Variants in PARD3B observed in about 807,000 individuals in gnomAD.
PARD3B encodes the protein par-3 family cell polarity regulator beta.
In PARD3B, 103 loss-of-function variants were observed where a neutral mutation model predicts 130.2. That is an observed-to-expected ratio of 0.79 (90% CI 0.67 to 0.93). The LOEUF is 0.93. Among genes scored for constraint, PARD3B ranks in the 40% least tolerant of loss-of-function variants. PARD3B has a pLI of 0.00. For missense variants in PARD3B, 1,609 were observed against 1,499.2 expected, an observed-to-expected ratio of 1.07 and a Z score of -1.21; for synonymous variants, 583 against 553.2, an observed-to-expected ratio of 1.05 and a Z score of -0.76.
chr2:204,866,211 G>C (rs2045407798), intron 2 of PARD3B, among the ~76,000 whole-genome samples: 1 of 152,196 alleles, frequency 6.6e-6, no homozygotes, highest in Non-Finnish European at 1.5e-5. Context: ...TGGCATGGTA[G>C]AATGCTAACA....
Position 205,187,180 on chromosome 2 carries a change from C to T in PARD3B, c.2024+1317C>T, listed in dbSNP as rs2036150297. Reference sequence around the variant, plus strand: ...TACTATGGTAAAAGTGTCATTTGAGCTGAACCCTAACTCATGAATAGCAGG... The same window carrying T: ...TACTATGGTAAAAGTGTCATTTGAGTTGAACCCTAACTCATGAATAGCAGG... On this transcript the variant is annotated intron_variant, in intron 14 of 22. Coordinates refer to ENST00000406610, the MANE Select transcript of PARD3B (RefSeq NM_001302769.2). This position sits in a 1 kb window ranked among gnomAD's most constrained non-coding sequence, Gnocchi z 4.9. Among the ~76,000 whole-genome samples, 2 of 152,150 alleles carry T rather than the reference C, an allele frequency of 1.3e-5. No homozygotes were observed. The highest frequency in any genetic ancestry group is 1.3e-4 in the Admixed American group (2 of 15,278).
intron 2 of PARD3B, among the ~76,000 whole-genome samples, chr2:204,790,886 C>T (rs2042177441): frequency 6.6e-6 from 1 of 152,130 alleles, no homozygotes; most frequent in African/African-American, 2.4e-5. Flanking sequence ...AGGCAGATCA[C>T]CTGAAGTCAG....
chr2:205,240,737 G>A (rs2039315895), intron 15 of PARD3B, among the ~76,000 whole-genome samples: 2 of 152,198 alleles, frequency 1.3e-5, no homozygotes, highest in South Asian at 2.1e-4. Flanking sequence ...TATTAAGCAA[G>A]TGTAGTCCCT....
At chr2:204,671,940 C>T (rs186673398) in intron 1 of PARD3B, among the ~76,000 whole-genome samples, 2 of 152,180 alleles carry the variant, frequency 1.3e-5, no homozygotes, top group African/African-American at 2.4e-5. Flanking sequence ...AAAACTTTTC[C>T]TCAACATTTT....
chr2:205,558,011 TG>T lies in PARD3B; in HGVS notation c.3260+4609del, dbSNP rs746110490. ...ATGGGGATATGCTGGGGGAACTCAC[TG>T]AAGCTGAAGGATTCGCCGACTCAGG... On this transcript the variant is annotated intron_variant, in intron 22 of 22. Transcript: ENST00000406610. This position sits in a 1 kb window ranked among gnomAD's most constrained non-coding sequence, Gnocchi z 4.8. Among the ~76,000 whole-genome samples the T allele has an allele frequency of 3.3e-5, 5 of 152,156 alleles. No individual in the cohort carries two copies. Among genetic ancestry groups the T allele is most frequent in the Non-Finnish European group, 5.9e-5 (4 of 68,038 alleles).
In PARD3B at chr2:205,581,364, CGTGT is replaced by C. The variant is rs556028512; in HGVS notation, c.3260+27964_3260+27967del. Among the ~76,000 whole-genome samples, 48 of 141,340 alleles carry C rather than the reference CGTGT, an allele frequency of 3.4e-4. 1 individual carries two copies. The East Asian group carries it at 8.4e-3, about 25-fold the overall frequency. The allele number at this position is 141,340 out of a possible 152,430, so 92.7% of individuals were successfully genotyped here. A position where few individuals can be genotyped will look rare whatever the true frequency, so the allele number is the denominator to read the frequency against. ...ACGTGTGTGTGTGTACGTGTGTGTA[CGTGT>C]GTATGTATGTATATATAAATATATA... On this transcript the variant is annotated intron_variant, in intron 22 of 22. Transcript: ENST00000406610.
At chr2:205,361,823 C>G (rs548501256) in intron 18 of PARD3B, among the ~76,000 whole-genome samples, 9 of 137,424 alleles carry the variant, frequency 6.5e-5, no homozygotes, top group African/African-American at 2.2e-4. Flanking sequence ...CTCTGGCCAA[C>G]AAGCTCCTCC....
At chr2:204,877,765 T>G (rs1343669443) in intron 2 of PARD3B, among the ~76,000 whole-genome samples, 2 of 152,202 alleles carry the variant, frequency 1.3e-5, no homozygotes, top group Non-Finnish European at 1.5e-5. Context: ...TCAGTAAGTT[T>G]GCAGACAGGA....
At chr2:205,304,571 G>T (rs1299348358) in intron 18 of PARD3B, among the ~76,000 whole-genome samples, 4 of 150,134 alleles carry the variant, frequency 2.7e-5, no homozygotes, top group African/African-American at 9.8e-5. Context: ...GGAGGCAGAG[G>T]TTGTGGTGAG....
intron 2 of PARD3B, among the ~76,000 whole-genome samples, chr2:204,760,351 T>G (rs900695991): frequency 3.3e-5 from 5 of 152,062 alleles, no homozygotes; most frequent in African/African-American, 1.2e-4. Flanking sequence ...GATTTTCTCT[T>G]GTATACAAAC....
chr2:205,408,575 T>A (rs2046488709), intron 19 of PARD3B, among the ~76,000 whole-genome samples: 1 of 152,166 alleles, frequency 6.6e-6, no homozygotes, highest in Non-Finnish European at 1.5e-5. Flanking sequence ...CTCCTAAATA[T>A]ATACAGCAAC....
At chr2:205,414,392 T>C (rs772196620) in intron 19 of PARD3B, among the ~76,000 whole-genome samples, 2 of 152,170 alleles carry the variant, frequency 1.3e-5, no homozygotes, top group South Asian at 4.1e-4. Flanking sequence ...CTTAAAAGTA[T>C]AAAACAGCAT....
rs561647787 is a variant in PARD3B, at chr2:205,086,347, G to C, written c.505-18079G>C. On this transcript the variant is annotated intron_variant, in intron 4 of 22. Coordinates refer to ENST00000406610, the MANE Select transcript of PARD3B (RefSeq NM_001302769.2). ...TTTATATGACAGGAGCATTCTAAAT[G>C]GGATCTCATGTGGCCTCTTTATTTT... 2.6e-5 allele frequency among the ~76,000 whole-genome samples: 4 copies of C among 152,274 alleles called. No individual in the cohort carries two copies. The South Asian group carries it at 8.3e-4, about 32-fold the overall frequency.
intron 1 of PARD3B, among the ~76,000 whole-genome samples, chr2:204,634,091 AT>A (rs886590904): frequency 3.9e-5 from 6 of 151,930 alleles, no homozygotes; most frequent in African/African-American, 1.2e-4. Context: ...CTTTCTAACT[AT>A]TTTTTTGTAC....
intron 20 of PARD3B, among the ~76,000 whole-genome samples, chr2:205,444,132 G>A (rs2047822839): frequency 6.6e-6 from 1 of 152,142 alleles, no homozygotes; most frequent in African/African-American, 2.4e-5. Flanking sequence ...ACCGGCACAA[G>A]CCACCAACCC....
chr2:205,248,082 C>A (rs1348100422), intron 16 of PARD3B, among the ~76,000 whole-genome samples: 1 of 152,030 alleles, frequency 6.6e-6, no homozygotes, highest in Non-Finnish European at 1.5e-5. Flanking sequence ...GTGCATGCCA[C>A]CATGCCCAGC....
intron 2 of PARD3B, among the ~76,000 whole-genome samples, chr2:204,696,948 A>G (rs2037638320): frequency 6.6e-6 from 1 of 152,126 alleles, no homozygotes; most frequent in Non-Finnish European, 1.5e-5. Context: ...TGTCTTCATT[A>G]ATCTCAACCA....
chr2:205,317,096 ACTAAACCC>A (rs1299623392), intron 18 of PARD3B, among the ~76,000 whole-genome samples: 1 of 152,134 alleles, frequency 6.6e-6, no homozygotes, highest in East Asian at 1.9e-4. Context: ...CATAAAATTG[ACTAAACCC>A]CTTTAGATAA....
chr2:204,786,855 C>T (rs1020415581), intron 2 of PARD3B, among the ~76,000 whole-genome samples: 7 of 151,634 alleles, frequency 4.6e-5, no homozygotes, highest in East Asian at 1.9e-4. Flanking sequence ...ACAAGCATTT[C>T]GCTCTCATTC....
Sources: allele counts gnomAD v4.1 joint callset (sites outside exome capture counted in the v4.1 genomes callset), GRCh38; gene constraint gnomAD v4.1.1; non-coding constraint Gnocchi (gnomAD v3.1); transcripts MANE v1.5; gene names NCBI Gene and HGNC (gene_info 2026-07-23, HGNC 2026-07-21).